ESS2: variants seen among roughly 807,000 people sequenced by gnomAD.
ESS2 encodes the protein splicing factor ESS-2 homolog.
Under a neutral mutation model 52.0 loss-of-function variants are expected in ESS2, and 31 were observed. That is an observed-to-expected ratio of 0.60 (90% confidence interval 0.45 to 0.81). The LOEUF (loss-of-function observed/expected upper bound fraction) is 0.81. Among genes scored for constraint, ESS2 ranks in the 30% least tolerant of loss-of-function variants. ESS2 has a pLI of 0.00. For synonymous variants in ESS2, 285 were observed against 259.2 expected (o/e 1.10, Z -0.95); for missense variants, 602 against 637.2 (o/e 0.94, Z 0.59).
At position 19,135,094 on chromosome 22, in the gene ESS2, C is replaced by T. The variant is rs753084383; in HGVS notation, c.1117G>A (p.Glu373Lys). The stretch of plus-strand genomic sequence containing the variant: ...TTCTCCGTCACTCTCCGCAAGGCTT[C>T]CTGCTTCTTGGCCCGGTTCTTGGCA... ...AAAKNRAKKQEALRRVTENLA... is the reference protein window; with the variant it reads ...AAAKNRAKKQKALRRVTENLA... Residue 373 changes from glutamate (E) to lysine (K), a missense_variant, in exon 9 of 10, where the codon GAA becomes AAA. Glu to Lys is a moderately conservative substitution (Grantham distance 56, BLOSUM62 1). Transcript: ENST00000252137. The T allele has an allele frequency of 6.2e-7, 1 of 1,614,084 alleles. No homozygotes were observed. The highest frequency in any genetic ancestry group is 1.7e-5 in the Admixed American group (1 of 60,022).
In ESS2 at chr22:19,142,860, G is replaced by A. The variant is rs368156510; in HGVS notation, c.170C>T (p.Pro57Leu). 14 of 1,613,926 alleles carry A rather than the reference G, an allele frequency of 8.7e-6. No individual in the cohort carries two copies. Among genetic ancestry groups the A allele is most frequent in the Admixed American group, 1.7e-5 (1 of 59,984 alleles). Residue 57 changes from proline to leucine, a missense_variant, in exon 2 of 10, where the codon CCT becomes CTT. Physicochemically the swap from Pro to Leu is moderately conservative, Grantham distance 98. Transcript: ENST00000252137. ...LQTVIQRDFFPDVEKLQAQKE... is the reference protein window; with the variant it reads ...LQTVIQRDFFLDVEKLQAQKE... ...CTGTGCCTGGAGCTTCTCCACATCAGGAAAGAAATCCCTTTGGATGACCGT... is the reference window on the plus strand; with the variant it reads ...CTGTGCCTGGAGCTTCTCCACATCAAGAAAGAAATCCCTTTGGATGACCGT...
Position 19,131,429 on chromosome 22 carries a change from G to A in ESS2, c.*2767C>T. 6.2e-7 allele frequency: 1 copy of A among 1,612,630 alleles called. No homozygotes were observed. Among genetic ancestry groups the A allele is most frequent in the Non-Finnish European group, 8.5e-7 (1 of 1,179,130 alleles). On this transcript the variant is annotated 3_prime_UTR_variant, in exon 10 of 10. Coordinates refer to ENST00000252137, the MANE Select transcript of ESS2 (RefSeq NM_022719.3). This position sits in a 1 kb window ranked among gnomAD's most constrained non-coding sequence, Gnocchi z 5.7. Reference sequence around the variant, plus strand: ...ACGATGCCACAGTCCTAAGGAAGAAGGGTTACATCGTAGGCATCAATCTTG... The same window carrying A: ...ACGATGCCACAGTCCTAAGGAAGAAAGGTTACATCGTAGGCATCAATCTTG...
Position 19,131,645 on chromosome 22 carries a change from T to C in ESS2, c.*2551A>G. The stretch of plus-strand genomic sequence containing the variant: ...AGACTTACGAGATCTTTGAGACCTC[T>C]GACGGACGGATCTACATCATCATGG... On this transcript the variant is annotated 3_prime_UTR_variant, in exon 10 of 10. Coordinates refer to ENST00000252137, the MANE Select transcript of ESS2 (RefSeq NM_022719.3). This position sits in a 1 kb window ranked among gnomAD's most constrained non-coding sequence, Gnocchi z 5.7. 1.2e-6 allele frequency: 2 copies of C among 1,614,040 alleles called. No homozygotes were observed. The highest frequency in any genetic ancestry group is 1.7e-6 in the Non-Finnish European group (2 of 1,180,024).
At position 19,134,327 on chromosome 22, in the gene ESS2, C is replaced by G. The variant is rs751161380; in HGVS notation, c.1300G>C (p.Gly434Arg). 3.7e-6 allele frequency: 6 copies of G among 1,610,472 alleles called. No homozygotes were observed. The highest frequency in any genetic ancestry group is 5.1e-6 in the Non-Finnish European group (6 of 1,178,328). ...GGTGTGCTTGTGGGGGTCTGCAGCC[C>G]ACTGGCCGGGGTCTTGAGGTGGGTG... ...RSTHLKTPAS[G>R]LQTPTSTPAP... Residue 434 changes from glycine (G) to arginine (R), a missense_variant, in exon 10 of 10, where the codon GGG becomes CGG. Physicochemically the swap from Gly to Arg is moderately radical, Grantham distance 125 (BLOSUM62 -2). Coordinates refer to ENST00000252137, the MANE Select transcript of ESS2 (RefSeq NM_022719.3).
In ESS2 at chr22:19,131,303, C is replaced by T. The variant is rs2083503450; in HGVS notation, c.*2893G>A. 2 of 1,139,596 alleles carry T rather than the reference C, an allele frequency of 1.8e-6. No individual in the cohort carries two copies. Among genetic ancestry groups the T allele is most frequent in the Non-Finnish European group, 2.5e-6 (2 of 792,602 alleles). 70.6% of individuals were successfully genotyped at this position (1,139,596 alleles called of 1,614,324 possible). A position where few individuals can be genotyped will look rare whatever the true frequency, so the allele number is the denominator to read the frequency against. The stretch of plus-strand genomic sequence containing the variant: ...AGTCGAAGCCCAGCCCAGGGCAGCC[C>T]AGCCAGACGCCTCCGGTAGTGTAAA... On this transcript the variant is annotated 3_prime_UTR_variant, in exon 10 of 10. Transcript: ENST00000252137. The surrounding 1 kb of genome is among the most constrained non-coding windows in gnomAD (Gnocchi z 5.7).
At chr22:19,135,028 C>G in intron 9 of ESS2, 32 bp downstream of exon 9, 2 of 1,596,688 alleles carry the variant, frequency 1.3e-6, no homozygotes, top group Non-Finnish European at 1.7e-6. Flanking sequence ...GAGCCACCCT[C>G]GCACTTCCCC....
chr22:19,131,137 G>T lies in ESS2; in HGVS notation c.*3059C>A. ...GGCTTCCTTCCAGCGGGCGGGGAGT[G>T]GGTGCTCCTGCCAGACCAGCCTGGC... On this transcript the variant is annotated 3_prime_UTR_variant, in exon 10 of 10. Transcript: ENST00000252137. This position sits in a 1 kb window ranked among gnomAD's most constrained non-coding sequence, Gnocchi z 5.7. The T allele has an allele frequency of 2.3e-6, 1 of 441,180 alleles. No individual in the cohort carries two copies. Among genetic ancestry groups the T allele is most frequent in the East Asian group, 3.9e-5 (1 of 25,906 alleles). 27.3% of individuals were successfully genotyped at this position (441,180 alleles called of 1,614,324 possible).
At chr22:19,141,219 T>A (rs1005574427) in intron 3 of ESS2, among the ~76,000 whole-genome samples, 2 of 152,048 alleles carry the variant, frequency 1.3e-5, no homozygotes, top group Non-Finnish European at 2.9e-5. Flanking sequence ...CAACAAGGAC[T>A]GTGTTAATGG....
Position 19,144,550 on chromosome 22 carries a change from C to T in ESS2, c.91G>A (p.Ala31Thr). The T allele has an allele frequency of 6.2e-7, 1 of 1,608,206 alleles. No individual in the cohort carries two copies. The highest frequency in any genetic ancestry group is 2.3e-5 in the East Asian group (1 of 44,180). Residue 31 changes from alanine (A) to threonine (T), a missense_variant, in exon 1 of 10, where the codon GCG (alanine) becomes ACG (threonine). Ala to Thr is a moderately conservative substitution (Grantham distance 58). Transcript: ENST00000252137. ...RKREAGEAGA[A>T]TSKQRVLDEE... ...TCCAGGACCCGCTGCTTGCTCGTCG[C>T]AGCCCCAGCCTCTCCCGCCTCGCGC...
rs949975061 is a variant in ESS2 at position 19,137,340 on chromosome 22, G to A, written c.1018C>T (p.Pro340Ser). 17 of 1,613,266 alleles carry A rather than the reference G, an allele frequency of 1.1e-5. No individual in the cohort carries two copies. Among genetic ancestry groups the A allele is most frequent in the Admixed American group, 1.7e-5 (1 of 59,912 alleles). ...GSETPYVDRT[P>S]GPAFKILEPG... ...CAACCCACCTTAAAAGCTGGGCCGG[G>A]TGTCCTGTCCACGTAGGGCGTTTCC... Residue 340 changes from proline (P) to serine (S), a missense_variant, in exon 8 of 10, where the codon CCC becomes TCC. Physicochemically the swap from Pro to Ser is moderately conservative, Grantham distance 74. Coordinates refer to ENST00000252137, the MANE Select transcript of ESS2 (RefSeq NM_022719.3).
In ESS2 at chr22:19,137,574, G is replaced by C. The variant is rs116741674; in HGVS notation, c.926-142C>G. 2.7e-5 allele frequency: 25 copies of C among 936,548 alleles called. No individual in the cohort carries two copies. The African/African-American group carries it at 4.1e-4, about 15-fold the overall frequency. The allele number at this position is 936,548 out of a possible 1,614,324, so 58.0% of individuals were successfully genotyped here. A position where few individuals can be genotyped will look rare whatever the true frequency, so the allele number is the denominator to read the frequency against. Reference sequence around the variant, plus strand: ...CCCTCTCTCCTTCCCCAGGACTCTGGAACCCTGGCACCTCCATCCTCCGAA... The same window carrying C: ...CCCTCTCTCCTTCCCCAGGACTCTGCAACCCTGGCACCTCCATCCTCCGAA... On this transcript the variant is annotated intron_variant, in intron 7 of 9. Transcript: ENST00000252137.
chr22:19,137,521 C>T, intron 7 of ESS2, 89 bp from the exon 8 acceptor site: 1 of 1,078,398 alleles, frequency 9.3e-7, no homozygotes, highest in Non-Finnish European at 1.4e-6. Flanking sequence ...CAATGTGCAT[C>T]CCAGCTAATA....
At chr22:19,142,302 G>A (rs894263447) in intron 3 of ESS2, among the ~76,000 whole-genome samples, 2 of 152,248 alleles carry the variant, frequency 1.3e-5, no homozygotes, top group Admixed American at 1.3e-4. Context: ...CAGCAGAAAA[G>A]CCAGCAAGAG....
rs770994954 is a variant in ESS2 at position 19,142,706 on chromosome 22, C to G, written c.304+20G>C. On this transcript the variant is annotated intron_variant, in intron 2 of 9. Transcript: ENST00000252137. ...GTTCAGCAGGCTTTCCCCTCTCCGCCACCCACAGGGTCCTCATACAGGGTG... is the reference window on the plus strand; with the variant it reads ...GTTCAGCAGGCTTTCCCCTCTCCGCGACCCACAGGGTCCTCATACAGGGTG... 6.2e-7 allele frequency: 1 copy of G among 1,611,126 alleles called. No homozygotes were observed. Among genetic ancestry groups the G allele is most frequent in the Non-Finnish European group, 8.5e-7 (1 of 1,178,350 alleles).
In ESS2 at chr22:19,131,593, C is replaced by T; in HGVS notation, c.*2603G>A. 6.2e-7 allele frequency: 1 copy of T among 1,614,150 alleles called. No homozygotes were observed. The highest frequency in any genetic ancestry group is 8.5e-7 in the Non-Finnish European group (1 of 1,180,038). On this transcript the variant is annotated 3_prime_UTR_variant, in exon 10 of 10. Coordinates refer to ENST00000252137, the MANE Select transcript of ESS2 (RefSeq NM_022719.3). The surrounding 1 kb of genome is among the most constrained non-coding windows in gnomAD (Gnocchi z 5.7). ...CTTCCTCGGGAGATGGACATCCTGGCAACTGTCAACCACGGCTCCATCATC... is the reference window on the plus strand; with the variant it reads ...CTTCCTCGGGAGATGGACATCCTGGTAACTGTCAACCACGGCTCCATCATC...
chr22:19,142,428 C>T, intron 3 of ESS2, 110 bp downstream of exon 3: 8 of 987,658 alleles, frequency 8.1e-6, no homozygotes, highest in Non-Finnish European at 1.1e-5. Flanking sequence ...CAAGACCCCT[C>T]AGGAACAAGA....
chr22:19,140,186 C>T (rs777323339), intron 3 of ESS2, among the ~76,000 whole-genome samples, 162 bp from the exon 4 acceptor site: 4 of 152,188 alleles, frequency 2.6e-5, no homozygotes, highest in African/African-American at 4.8e-5. Context: ...GGACTCCCCA[C>T]GGGGGCAGAA....
rs549857607 is a variant in ESS2 at position 19,132,311 on chromosome 22, C to A, written c.*1885G>T. On this transcript the variant is annotated 3_prime_UTR_variant, in exon 10 of 10. Transcript: ENST00000252137. The surrounding 1 kb of genome is among the most constrained non-coding windows in gnomAD (Gnocchi z 4.2). ...AGTGCAAACTGGACACCAAGACAGGCTTGAGGCCCGACCACCGGCCCGACC... is the reference window on the plus strand; with the variant it reads ...AGTGCAAACTGGACACCAAGACAGGATTGAGGCCCGACCACCGGCCCGACC... The A allele has an allele frequency of 2.5e-6, 4 of 1,613,000 alleles. No homozygotes were observed. In the African/African-American group the frequency reaches 4.0e-5, roughly 16 times the overall value.
chr22:19,132,050 C>T lies in ESS2; in HGVS notation c.*2146G>A, dbSNP rs146800469. The stretch of plus-strand genomic sequence containing the variant: ...TGGTCTGCGGCTCCATGCCCTATGA[C>T]GACTCCGACATCAGGAAGATGCTGC... On this transcript the variant is annotated 3_prime_UTR_variant, in exon 10 of 10. Coordinates refer to ENST00000252137, the MANE Select transcript of ESS2 (RefSeq NM_022719.3). The surrounding 1 kb of genome is among the most constrained non-coding windows in gnomAD (Gnocchi z 4.2). 2.4e-5 allele frequency: 39 copies of T among 1,614,052 alleles called. No individual in the cohort carries two copies. In the Admixed American group the frequency reaches 2.7e-4, roughly 11 times the overall value.
Sources: allele counts gnomAD v4.1 joint callset (sites outside exome capture counted in the v4.1 genomes callset), GRCh38; gene constraint gnomAD v4.1.1; non-coding constraint Gnocchi (gnomAD v3.1); transcripts MANE v1.5; gene names NCBI Gene and HGNC (gene_info 2026-07-23, HGNC 2026-07-21).